POLR3B: variants seen among roughly 807,000 people sequenced by gnomAD.
POLR3B encodes RNA polymerase III subunit B.
POLR3B carries 96 observed loss-of-function variants against 147.4 expected under a neutral mutation model. The ratio of observed to expected loss-of-function variants is 0.65; its 90% CI spans 0.55 to 0.77. The LOEUF is 0.77. Among genes scored for constraint, POLR3B ranks in the 30% least tolerant of loss-of-function variants. The probability of loss-of-function intolerance (pLI) is 0.00; values close to 1 mark genes in which losing one functional copy is unlikely to be tolerated. For missense variants in POLR3B, 1,036 were observed against 1,413.5 expected, an observed-to-expected ratio of 0.73 and a Z score of 4.28; for synonymous variants, 461 against 485.9, an observed-to-expected ratio of 0.95 and a Z score of 0.67.
chr12:106,377,946 C>T (rs1043308206), intron 7 of POLR3B, among the ~76,000 whole-genome samples: 5 of 152,064 alleles, frequency 3.3e-5, no homozygotes, highest in Admixed American at 6.6e-5. Flanking sequence ...AAATTAGCTA[C>T]GTGTGGTGGC....
chr12:106,434,819 T>G lies in POLR3B; in HGVS notation c.1781+947T>G, dbSNP rs1426049572. On this transcript the variant is annotated intron_variant, in intron 16 of 27. Transcript: ENST00000228347. ...CTCCTTCATATGACACTACCTCATT[T>G]TCTTTTGAGGACTGCCTGTCCCCAT... Among the ~76,000 whole-genome samples the G allele has an allele frequency of 2.0e-5, 3 of 152,184 alleles. No individual in the cohort carries two copies. The East Asian group carries it at 5.8e-4, about 29-fold the overall frequency.
intron 27 of POLR3B, chr12:106,507,715 G>C (rs1410628926): frequency 1.3e-5 from 6 of 454,836 alleles, no homozygotes; most frequent in Middle Eastern, 3.2e-4. Flanking sequence ...CATTTGTGAG[G>C]GTTAGTCTTC....
At chr12:106,406,150 C>T (rs908764804) in intron 11 of POLR3B, among the ~76,000 whole-genome samples, 174 bp downstream of exon 11, 3 of 152,164 alleles carry the variant, frequency 2.0e-5, no homozygotes, top group Non-Finnish European at 4.4e-5. Context: ...TGTTTATACT[C>T]GGAGAATGTT....
chr12:106,427,483 C>T, intron 13 of POLR3B, 125 bp downstream of exon 13: 1 of 882,456 alleles, frequency 1.1e-6, no homozygotes, highest in Non-Finnish European at 1.8e-6. Context: ...GTTTACAAAG[C>T]ACAAATTTCT....
At chr12:106,376,813 T>C (rs2036687177) in intron 7 of POLR3B, among the ~76,000 whole-genome samples, 2 of 152,140 alleles carry the variant, frequency 1.3e-5, no homozygotes. Context: ...AGATGGTGTT[T>C]TGCTATGTCA....
rs562575555 is a variant in POLR3B at position 106,423,789 on chromosome 12, AC to A, written c.1102-3406del. Reference sequence around the variant, plus strand: ...CACACCCAGAAGTAATGCTTTTCCAACCTTCTGGGCATTCCTTAACCCAGTC... The same window carrying A: ...CACACCCAGAAGTAATGCTTTTCCAACTTCTGGGCATTCCTTAACCCAGTC... On this transcript the variant is annotated intron_variant, in intron 12 of 27. Transcript: ENST00000228347. Among the ~76,000 whole-genome samples the A allele has an allele frequency of 1.2e-4, 18 of 151,888 alleles. No individual in the cohort carries two copies. In the Middle Eastern group the frequency reaches 0.014, roughly 116 times the overall value.
At chr12:106,457,474 A>C (rs139194722) in intron 21 of POLR3B, among the ~76,000 whole-genome samples, 178 bp downstream of exon 21, 1 of 152,178 alleles carries the variant, frequency 6.6e-6, no homozygotes, top group South Asian at 2.1e-4. Flanking sequence ...TTTTCTATAC[A>C]CTATGTTTTT....
chr12:106,504,202 G>A lies in POLR3B; in HGVS notation c.3220G>A (p.Ala1074Thr). 3 of 1,614,130 alleles carry A rather than the reference G, an allele frequency of 1.9e-6. No homozygotes were observed. The highest frequency in any genetic ancestry group is 2.5e-6 in the Non-Finnish European group (3 of 1,179,958). The change falls in exon 27 of 28, where the codon GCC becomes ACC. Residue 1074 changes from alanine (A) to threonine (T), a missense_variant. This residue lies in a region of POLR3B where 69 missense variants were observed against 89.8 expected (regional missense o/e 0.77). Transcript: ENST00000228347. This position sits in a 1 kb window ranked among gnomAD's most constrained non-coding sequence, Gnocchi z 4.6. ...LLERLMISSDAFEVDVCGQCG... is the reference protein window; with the variant it reads ...LLERLMISSDTFEVDVCGQCG... ...AGAGAGACTAATGATTTCAAGTGAT[G>A]CCTTTGAGGTTGATGTCTGTGGGCA...
intron 23 of POLR3B, among the ~76,000 whole-genome samples, chr12:106,485,681 T>C (rs573530963): frequency 6.6e-6 from 1 of 152,314 alleles, no homozygotes; most frequent in South Asian, 2.1e-4. Context: ...CTGATAATGC[T>C]GTTTACCAAG....
Position 106,433,868 on chromosome 12 carries a change from T to C in POLR3B, c.1777T>C (p.Cys593Arg). 1 of 1,612,882 alleles carries C rather than the reference T, an allele frequency of 6.2e-7. No individual in the cohort carries two copies. Among genetic ancestry groups the C allele is most frequent in the Non-Finnish European group, 8.5e-7 (1 of 1,179,000 alleles). The change falls in exon 16 of 28, where the codon TGC becomes CGC. Residue 593 changes from cysteine to arginine, a missense_variant. Around this residue, in one of 12 missense-constraint regions of POLR3B, gnomAD observed 177 missense variants for 232.7 expected, o/e 0.76. Transcript: ENST00000228347. ...VYISSDGGRL[C>R]RPYIIVKKQK... ...TATTTCTTCTGATGGGGGAAGGCTA[T>C]GCAGGTATATATGCAGGTTACTAAA... is the stretch of plus-strand genomic sequence containing the variant.
At chr12:106,463,729 C>A in intron 23 of POLR3B, 109 bp downstream of exon 23, 1 of 854,606 alleles carries the variant, frequency 1.2e-6, no homozygotes. Flanking sequence ...AAAAGTATTA[C>A]ATTGTTATAA....
At chr12:106,433,043 G>T (rs2037530629) in intron 15 of POLR3B, among the ~76,000 whole-genome samples, 1 of 152,090 alleles carries the variant, frequency 6.6e-6, no homozygotes, top group African/African-American at 2.4e-5. Flanking sequence ...TCCCTAGTAT[G>T]CTCCATGAGC....
rs753739949 is a variant in POLR3B, at chr12:106,427,204, C to A, written c.1109C>A (p.Ser370Tyr). The change falls in exon 13 of 28, where the codon TCT (serine) becomes TAT (tyrosine). Residue 370 changes from serine (S) to tyrosine (Y), a missense_variant. This residue lies in a region of POLR3B where 89 missense variants were observed against 110.9 expected (regional missense o/e 0.80). Transcript: ENST00000228347. The stretch of plus-strand genomic sequence containing the variant: ...CTTTTTTTTTTTTTTTAGCTTTTAT[C>A]TCTTCTTTTTGAAGACTTGTTCAAA... Reference protein sequence around the residue: ...KRLELAGQLLSLLFEDLFKKF... With the variant: ...KRLELAGQLLYLLFEDLFKKF... The A allele has an allele frequency of 2.4e-5, 33 of 1,368,306 alleles. No homozygotes were observed. The highest frequency in any genetic ancestry group is 2.8e-5 in the Non-Finnish European group (28 of 1,011,670). The allele number at this position is 1,368,306 out of a possible 1,614,324, so 84.8% of individuals were successfully genotyped here. A position where few individuals can be genotyped will look rare whatever the true frequency, so the allele number is the denominator to read the frequency against.
At position 106,486,018 on chromosome 12, in the gene POLR3B, G is replaced by A. The variant is rs187439124; in HGVS notation, c.2714-10037G>A. On this transcript the variant is annotated intron_variant, in intron 23 of 27. Transcript: ENST00000228347. The stretch of plus-strand genomic sequence containing the variant: ...AAGAGTAAGGAGATTGGCCAGGCGC[G>A]GTGGCTCACGCCTGTAATCCCAGCA... Among the ~76,000 whole-genome samples the A allele has an allele frequency of 3.7e-3, 565 of 152,178 alleles. 3 individuals carry two copies. The highest frequency in any genetic ancestry group is 0.012 in the African/African-American group (510 of 41,528).
rs749701042 is a variant in POLR3B at position 106,363,907 on chromosome 12, T to C, written c.105+5T>C. The stretch of plus-strand genomic sequence containing the variant: ...CTGCTTCCAGCATTTTTAAAGGTAA[T>C]TGTTTCACATTTAATAATAATTGGT... On this transcript the variant is annotated splice_donor_5th_base_variant and intron_variant, in intron 2 of 27. Transcript: ENST00000228347. 5.7e-6 allele frequency: 9 copies of C among 1,588,592 alleles called. No homozygotes were observed. The highest frequency in any genetic ancestry group is 7.8e-6 in the Non-Finnish European group (9 of 1,159,010).
intron 11 of POLR3B, among the ~76,000 whole-genome samples, chr12:106,406,502 A>G (rs1047073608): frequency 1.3e-5 from 2 of 152,218 alleles, no homozygotes; most frequent in Admixed American, 6.5e-5. Flanking sequence ...TACAACCATC[A>G]CCACAGCAGA....
At chr12:106,357,979 A>T in intron 1 of POLR3B, 28 bp downstream of exon 1, 5 of 1,609,546 alleles carry the variant, frequency 3.1e-6, no homozygotes, top group Non-Finnish European at 4.2e-6. Context: ...AGGGAGCGTC[A>T]GGGACAAGGA....
intron 23 of POLR3B, among the ~76,000 whole-genome samples, chr12:106,467,646 A>C (rs2038024624): frequency 6.6e-6 from 1 of 152,112 alleles, no homozygotes; most frequent in African/African-American, 2.4e-5. Flanking sequence ...TGGTTTATTG[A>C]GAGTTTTCAG....
chr12:106,412,676 C>G (rs1300485449), intron 12 of POLR3B, among the ~76,000 whole-genome samples: 1 of 152,158 alleles, frequency 6.6e-6, no homozygotes, highest in Non-Finnish European at 1.5e-5. Context: ...GCAAATTTGT[C>G]TACTTGCTAA....
Sources: gnomAD v4.1 joint callset for allele counts (sites outside exome capture counted in the v4.1 genomes callset) on GRCh38, gnomAD v4.1.1 for gene constraint, gnomAD v4.1.1 regional missense constraint, Gnocchi (gnomAD v3.1) non-coding constraint, MANE v1.5 for transcripts, NCBI Gene and HGNC (gene_info 2026-07-23, HGNC 2026-07-21) for gene names.